The following ROBO2 variants were observed in gnomAD, a reference collection of about 807,000 sequenced individuals.
The protein encoded by ROBO2 is roundabout homolog 2.
Under a neutral mutation model 160.8 loss-of-function variants are expected in ROBO2, and 53 were observed. The ratio of observed to expected loss-of-function variants is 0.33; its 90% CI spans 0.26 to 0.41. The LOEUF (loss-of-function observed/expected upper bound fraction) is 0.41. Ranked by LOEUF, ROBO2 falls within the 10% of genes least tolerant of loss-of-function variation. ROBO2 has a pLI of 1.00. For missense variants in ROBO2, 1,577 were observed against 1,722.4 expected (o/e 0.92, Z 1.49); for synonymous variants, 664 against 611.7 (o/e 1.09, Z -1.26).
intron 2 of ROBO2, among the ~76,000 whole-genome samples, chr3:77,159,683 C>T (rs1189553678): frequency 6.6e-6 from 1 of 152,152 alleles, no homozygotes; most frequent in East Asian, 1.9e-4. Context: ...TGTCTTTAGT[C>T]TATGATCAAA....
intron 2 of ROBO2, among the ~76,000 whole-genome samples, chr3:76,272,796 AT>A (rs375409940): frequency 0.024 from 213 of 8,992 alleles, 12 homozygotes; most frequent in Non-Finnish European, 0.13. Context: ...TAAAATATAT[AT>A]ATATAAAATA....
At chr3:76,744,257 G>T (rs1317799414) in intron 2 of ROBO2, among the ~76,000 whole-genome samples, 1 of 152,064 alleles carries the variant, frequency 6.6e-6, no homozygotes, top group African/African-American at 2.4e-5. Flanking sequence ...TATCATCAGG[G>T]TAGGTTTCTT....
At chr3:76,793,161 T>C (rs1199108543) in intron 2 of ROBO2, among the ~76,000 whole-genome samples, 2 of 151,776 alleles carry the variant, frequency 1.3e-5, no homozygotes, top group Admixed American at 1.3e-4. Context: ...ATTTATAATA[T>C]TGAGACTAGT....
At chr3:76,647,389 T>C (rs1560299938) in intron 2 of ROBO2, among the ~76,000 whole-genome samples, 1 of 151,868 alleles carries the variant, frequency 6.6e-6, no homozygotes, top group Non-Finnish European at 1.5e-5. Context: ...GCCTAAGAGA[T>C]AGGAGAGGAC....
chr3:77,321,285 G>A (rs1372564373), intron 2 of ROBO2, among the ~76,000 whole-genome samples: 1 of 152,096 alleles, frequency 6.6e-6, no homozygotes, highest in Admixed American at 6.6e-5. Context: ...AAGAGGTCAA[G>A]GTGGGAGGAT....
At chr3:76,878,531 A>G (rs1317802245) in intron 2 of ROBO2, among the ~76,000 whole-genome samples, 1 of 152,222 alleles carries the variant, frequency 6.6e-6, no homozygotes, top group Non-Finnish European at 1.5e-5. Context: ...TTTATATTCA[A>G]AAACATCCAG....
At chr3:76,269,560 C>T (rs1707302563) in intron 2 of ROBO2, among the ~76,000 whole-genome samples, 1 of 147,844 alleles carries the variant, frequency 6.8e-6, no homozygotes, top group African/African-American at 2.5e-5. Context: ...ATAGCACATA[C>T]ACACATTCAA....
At chr3:77,300,972 A>C (rs2062606246) in intron 2 of ROBO2, among the ~76,000 whole-genome samples, 1 of 151,776 alleles carries the variant, frequency 6.6e-6, no homozygotes, top group Non-Finnish European at 1.5e-5. Flanking sequence ...GGGTTCAAGC[A>C]ATTCTCCTGC....
At chr3:75,998,817 A>T (rs1263299015) in intron 2 of ROBO2, among the ~76,000 whole-genome samples, 1 of 152,224 alleles carries the variant, frequency 6.6e-6, no homozygotes, top group Non-Finnish European at 1.5e-5. Context: ...ATGTCCAATA[A>T]GGCAAGCAAT....
chr3:76,204,724 TC>T (rs1294145860), intron 2 of ROBO2, among the ~76,000 whole-genome samples: 14 of 152,154 alleles, frequency 9.2e-5, no homozygotes, highest in Non-Finnish European at 1.6e-4. Flanking sequence ...GCATTTTGTC[TC>T]CTATTGGCTA....
intron 2 of ROBO2, among the ~76,000 whole-genome samples, chr3:77,194,037 G>A (rs1002227150): frequency 6.6e-6 from 1 of 152,148 alleles, no homozygotes; most frequent in Non-Finnish European, 1.5e-5. Flanking sequence ...GCAAATAAAA[G>A]CAAAGTAACA....
chr3:77,283,558 CAA>C (rs2060386312), intron 2 of ROBO2, among the ~76,000 whole-genome samples: 1 of 152,058 alleles, frequency 6.6e-6, no homozygotes, highest in Non-Finnish European at 1.5e-5. Flanking sequence ...TTAAAATGAT[CAA>C]AGTTACATAT....
At chr3:76,858,472 C>T (rs917732605) in intron 2 of ROBO2, among the ~76,000 whole-genome samples, 3 of 152,044 alleles carry the variant, frequency 2.0e-5, no homozygotes, top group African/African-American at 7.2e-5. Flanking sequence ...TTCCTGTTGC[C>T]CAGTTGGTCT....
intron 2 of ROBO2, among the ~76,000 whole-genome samples, chr3:76,814,923 C>T (rs569882267): frequency 4.5e-4 from 69 of 152,124 alleles, no homozygotes; most frequent in Non-Finnish European, 8.1e-4. Flanking sequence ...TGCAAAGGAT[C>T]TACTAGTACT....
chr3:75,909,351 G>A (rs1388496126), intron 1 of ROBO2, among the ~76,000 whole-genome samples: 1 of 152,138 alleles, frequency 6.6e-6, no homozygotes, highest in Non-Finnish European at 1.5e-5. Context: ...CAGTTTAGGG[G>A]TATAAGGAGA....
Position 77,247,999 on chromosome 3 carries a change from C to T in ROBO2, c.388+149659C>T, listed in dbSNP as rs751062115. Among the ~76,000 whole-genome samples, 5 of 152,232 alleles carry T rather than the reference C, an allele frequency of 3.3e-5. No homozygotes were observed. The East Asian group carries it at 5.8e-4, about 18-fold the overall frequency. On this transcript the variant is annotated intron_variant, in intron 2 of 25. Coordinates refer to ENST00000461745, the Ensembl canonical transcript of ROBO2. ...CGAATGTTGCCTTTCCACCCACAGC[C>T]CCACCCCACCCCCGTCCTGTGCCTG...
At chr3:77,378,959 T>A (rs1464074217) in intron 2 of ROBO2, among the ~76,000 whole-genome samples, 1 of 151,990 alleles carries the variant, frequency 6.6e-6, no homozygotes, top group Non-Finnish European at 1.5e-5. Flanking sequence ...CTTTTTTTTT[T>A]TTTTGGAGAT....
In ROBO2 at chr3:76,322,169, T is replaced by C. The variant is rs2072593216; in HGVS notation, c.109+384567T>C. ...AAATGATTTCTACTTCTTCCGTATA[T>C]ATATATATATATATATATATATATA... is the stretch of plus-strand genomic sequence containing the variant. On this transcript the variant is annotated intron_variant, in intron 2 of 26. Transcript: ENST00000487694. 1.3e-4 allele frequency among the ~76,000 whole-genome samples: 4 copies of C among 30,470 alleles called. No individual in the cohort carries two copies. The South Asian group carries it at 3.7e-3, about 28-fold the overall frequency. The allele number at this position is 30,470 out of a possible 152,430, so 20.0% of individuals were successfully genotyped here.
intron 2 of ROBO2, among the ~76,000 whole-genome samples, chr3:76,214,939 G>C (rs1300868230): frequency 6.6e-6 from 1 of 152,116 alleles, no homozygotes; most frequent in East Asian, 1.9e-4. Context: ...CACCTCACAT[G>C]GCAGGGTACT....
Sources: gnomAD v4.1 joint callset for allele counts (sites outside exome capture counted in the v4.1 genomes callset) on GRCh38, gnomAD v4.1.1 for gene constraint, MANE v1.5 for transcripts, NCBI Gene and HGNC (gene_info 2026-07-23, HGNC 2026-07-21) for gene names.